GMDS: variants seen among roughly 807,000 people sequenced by gnomAD.
GMDS encodes GDP-mannose 4,6-dehydratase.
GMDS carries 20 observed loss-of-function variants against 49.9 expected under a neutral mutation model. The ratio of observed to expected loss-of-function variants is 0.40; its 90% CI spans 0.28 to 0.58. GMDS has a LOEUF of 0.58. Ranked by LOEUF, GMDS falls within the 20% of genes least tolerant of loss-of-function variation. The probability of loss-of-function intolerance (pLI) is 0.42; values close to 1 mark genes in which losing one functional copy is unlikely to be tolerated. For missense variants in GMDS, 362 were observed against 481.4 expected (o/e 0.75, Z 2.32); for synonymous variants, 177 against 178.6 (o/e 0.99, Z 0.07).
intron 6 of GMDS, among the ~76,000 whole-genome samples, chr6:1,937,122 T>C (rs1207216468): frequency 6.6e-6 from 1 of 152,204 alleles, no homozygotes; most frequent in Non-Finnish European, 1.5e-5. Context: ...GCTGTCCCAG[T>C]TTGTAGCCTA....
chr6:1,805,444 C>A (rs886921893), intron 7 of GMDS, among the ~76,000 whole-genome samples: 1 of 152,170 alleles, frequency 6.6e-6, no homozygotes, highest in African/African-American at 2.4e-5. Context: ...CAGTACAGGG[C>A]AGCAGTTCCC....
intron 6 of GMDS, among the ~76,000 whole-genome samples, chr6:1,941,942 C>T (rs990487538): frequency 6.6e-6 from 1 of 152,166 alleles, no homozygotes; most frequent in African/African-American, 2.4e-5. Context: ...TCAACCCCGC[C>T]TCGCTCACCT....
At chr6:1,759,838 G>A (rs1406905304) in intron 7 of GMDS, among the ~76,000 whole-genome samples, 4 of 152,140 alleles carry the variant, frequency 2.6e-5, no homozygotes. Flanking sequence ...CTTGATGAAG[G>A]AGTGAGTCAA....
At chr6:2,147,171 G>A (rs1479532858) in intron 1 of GMDS, among the ~76,000 whole-genome samples, 3 of 152,194 alleles carry the variant, frequency 2.0e-5, no homozygotes, top group African/African-American at 7.2e-5. Flanking sequence ...ATACTGGGAT[G>A]AAGAGAAAAA....
chr6:1,996,424 C>G (rs9503063), intron 4 of GMDS, among the ~76,000 whole-genome samples: 1 of 151,948 alleles, frequency 6.6e-6, no homozygotes, highest in African/African-American at 2.4e-5. Context: ...TAGTAGACTA[C>G]CTCTATTAGA....
At chr6:2,046,800 T>G (rs1770045623) in intron 4 of GMDS, among the ~76,000 whole-genome samples, 1 of 152,178 alleles carries the variant, frequency 6.6e-6, no homozygotes, top group East Asian at 1.9e-4. Context: ...ATGTCCAGGT[T>G]TCCTATATTT....
chr6:1,931,401 G>A (rs900684333), intron 6 of GMDS, among the ~76,000 whole-genome samples: 5 of 152,174 alleles, frequency 3.3e-5, no homozygotes, highest in African/African-American at 9.7e-5. Flanking sequence ...AACTTGATAC[G>A]TACATTTATA....
chr6:1,724,218 G>A (rs148433238), intron 9 of GMDS, among the ~76,000 whole-genome samples: 25 of 152,312 alleles, frequency 1.6e-4, no homozygotes, highest in African/African-American at 5.8e-4. Context: ...GAGCCAAATC[G>A]GTGGAAAAAT....
chr6:1,964,462 T>C (rs1043785808), intron 4 of GMDS, among the ~76,000 whole-genome samples: 5 of 152,214 alleles, frequency 3.3e-5, no homozygotes, highest in African/African-American at 7.2e-5. Flanking sequence ...GTATTTCCAC[T>C]GACACAGAGA....
At chr6:1,625,933 A>G (rs1441140266) in intron 9 of GMDS, among the ~76,000 whole-genome samples, 1 of 152,248 alleles carries the variant, frequency 6.6e-6, no homozygotes, top group Non-Finnish European at 1.5e-5. Flanking sequence ...CATACAAATT[A>G]AAGAACAGCC....
chr6:1,868,578 A>T (rs140579716), intron 7 of GMDS, among the ~76,000 whole-genome samples: 2,423 of 152,248 alleles, frequency 0.016, 78 homozygotes, highest in Admixed American at 0.087. Flanking sequence ...TTCTTACTTT[A>T]TTTAATAATT....
intron 7 of GMDS, among the ~76,000 whole-genome samples, chr6:1,762,738 A>T (rs1768206673): frequency 6.6e-6 from 1 of 152,210 alleles, no homozygotes; most frequent in Admixed American, 6.5e-5. Flanking sequence ...AGCCCGACAC[A>T]TTCGCGTCCC....
In GMDS at chr6:1,921,173, T is replaced by C. The variant is rs141166826; in HGVS notation, c.771+8930A>G. ...TATGAACATGCAACTTTATTCTCTATGCATTTGCATCCTCTCTCCATACAT... is the reference window on the plus strand; with the variant it reads ...TATGAACATGCAACTTTATTCTCTACGCATTTGCATCCTCTCTCCATACAT... On this transcript the variant is annotated intron_variant, in intron 7 of 10. Coordinates refer to ENST00000380815, the MANE Select transcript of GMDS (RefSeq NM_001500.4). Among the ~76,000 whole-genome samples, 4 of 152,354 alleles carry C rather than the reference T, an allele frequency of 2.6e-5. No homozygotes were observed. The East Asian group carries it at 5.8e-4, about 22-fold the overall frequency.
intron 1 of GMDS, among the ~76,000 whole-genome samples, chr6:2,143,149 A>C (rs1293485640): frequency 1.3e-5 from 2 of 152,176 alleles, no homozygotes; most frequent in Admixed American, 6.5e-5. Flanking sequence ...ATTAAAATTC[A>C]TTGTCCTTGG....
At chr6:2,169,907 T>C (rs1883872) in intron 1 of GMDS, among the ~76,000 whole-genome samples, 6,178 of 152,064 alleles carry the variant, frequency 0.041, 253 homozygotes, top group South Asian at 0.13. Flanking sequence ...TGGTGGTATA[T>C]TAGAAAAGAG....
intron 1 of GMDS, among the ~76,000 whole-genome samples, chr6:2,136,299 TC>T (rs1375522239): frequency 6.6e-6 from 1 of 152,222 alleles, no homozygotes; most frequent in Non-Finnish European, 1.5e-5. Context: ...AAAAGTAAAT[TC>T]ATGTACCCAA....
At chr6:2,089,953 G>C (rs1773225858) in intron 4 of GMDS, among the ~76,000 whole-genome samples, 1 of 152,114 alleles carries the variant, frequency 6.6e-6, no homozygotes. Context: ...CTAAGAATGT[G>C]ACCCTTTGAT....
intron 7 of GMDS, among the ~76,000 whole-genome samples, chr6:1,760,621 G>A (rs745967362): frequency 6.6e-5 from 10 of 152,282 alleles, no homozygotes; most frequent in East Asian, 1.9e-4. Context: ...GACATGCACC[G>A]TCTTTGTAAC....
chr6:1,855,731 A>G (rs1459092643), intron 7 of GMDS, among the ~76,000 whole-genome samples: 4 of 152,234 alleles, frequency 2.6e-5, no homozygotes, highest in Non-Finnish European at 5.9e-5. Context: ...TTGACAAAGA[A>G]ACAATATTTT....
Sources: allele counts gnomAD v4.1 joint callset (sites outside exome capture counted in the v4.1 genomes callset), GRCh38; gene constraint gnomAD v4.1.1; transcripts MANE v1.5; gene names NCBI Gene and HGNC (gene_info 2026-07-23, HGNC 2026-07-21).